VDR: variants seen among roughly 807,000 people sequenced by gnomAD.
VDR encodes the protein vitamin D receptor.
In VDR, 19 loss-of-function variants were observed where a neutral mutation model predicts 39.7. The ratio of observed to expected loss-of-function variants is 0.48; its 90% CI spans 0.33 to 0.70. The LOEUF is 0.70. VDR is among the 30% of genes least tolerant of loss of function. The pLI is 0.02. For synonymous variants in VDR, 242 were observed against 215.8 expected, an observed-to-expected ratio of 1.12 and a Z score of -1.07; for missense variants, 442 against 570.5, an observed-to-expected ratio of 0.77 and a Z score of 2.29.
chr12:47,864,959 C>A (rs1945697399), intron 4 of VDR, 88 bp downstream of exon 4: 3 of 1,588,804 alleles, frequency 1.9e-6, no homozygotes, highest in East Asian at 2.3e-5. Context: ...GGCAGGCAGA[C>A]CCTCTGCCCA....
chr12:47,878,898 T>TCC, intron 3 of VDR, 70 bp downstream of exon 3: 1 of 1,611,930 alleles, frequency 6.2e-7, no homozygotes, highest in African/African-American at 1.3e-5. Flanking sequence ...ATGCAAGGGC[T>TCC]CCCTTCATGG....
chr12:47,859,912 TCCTTC>T (rs1945583601), intron 4 of VDR, among the ~76,000 whole-genome samples: 10 of 42,654 alleles, frequency 2.3e-4, no homozygotes, highest in African/African-American at 8.0e-4. Flanking sequence ...CTTCCTTCCT[TCCTTC>T]TTTCTTTTTC....
chr12:47,902,735 C>T (rs1243284283), intron 1 of VDR, among the ~76,000 whole-genome samples: 1 of 152,190 alleles, frequency 6.6e-6, no homozygotes, highest in Non-Finnish European at 1.5e-5. Flanking sequence ...TTCCAGATGC[C>T]TATTCCAGCC....
intron 3 of VDR, among the ~76,000 whole-genome samples, chr12:47,868,236 G>T (rs1307779696): frequency 6.6e-6 from 1 of 152,238 alleles, no homozygotes; most frequent in Non-Finnish European, 1.5e-5. Flanking sequence ...TGCCAAGAAT[G>T]ACCCAACAGT....
intron 7 of VDR, among the ~76,000 whole-genome samples, chr12:47,849,241 G>A (rs1945339177): frequency 6.6e-6 from 1 of 152,150 alleles, no homozygotes; most frequent in African/African-American, 2.4e-5. Flanking sequence ...GTGATAGATG[G>A]TGGGAAATGA....
chr12:47,904,508 C>T lies in VDR; in HGVS notation c.-84+447G>A, dbSNP rs941725506. On this transcript the variant is annotated intron_variant, in intron 1 of 9. Coordinates refer to ENST00000549336, the MANE Select transcript of VDR (RefSeq NM_000376.3). ...AAAAATTACTTAAAAGACCCAACTC[C>T]ACCATCACAGGTGACCATACCTGGG... is the stretch of plus-strand genomic sequence containing the variant. 182 of 1,216,332 alleles carry T rather than the reference C, an allele frequency of 1.5e-4. 6 individuals carry two copies. In the South Asian group the frequency reaches 2.2e-3, roughly 15 times the overall value. 75.3% of individuals were successfully genotyped at this position (1,216,332 alleles called of 1,614,324 possible).
At chr12:47,846,959 A>G (rs1945292884) in intron 7 of VDR, 151 bp from the exon 8 acceptor site, 3 of 894,926 alleles carry the variant, frequency 3.4e-6, no homozygotes, top group South Asian at 2.7e-5. Context: ...GCTGGAAGGG[A>G]CAAGAGTGTT....
intron 1 of VDR, among the ~76,000 whole-genome samples, chr12:47,892,092 A>G (rs1170944131): frequency 6.6e-6 from 1 of 152,198 alleles, no homozygotes; most frequent in Non-Finnish European, 1.5e-5. Context: ...TGGCTGCCCC[A>G]GCTCTTGAAG....
rs755225409 is a variant in VDR at position 47,855,694 on chromosome 12, C to A, written c.691G>T (p.Ala231Ser). Residue 231 changes from alanine to serine, a missense_variant, in exon 7 of 10, where the codon GCT (alanine) becomes TCT (serine). Transcript: ENST00000549336. ...TGGATGCTGTAACTGACCAGGTCAGCCAGGTGGGGCAGCATGGAGAGCTGG... is the reference window on the plus strand; with the variant it reads ...TGGATGCTGTAACTGACCAGGTCAGACAGGTGGGGCAGCATGGAGAGCTGG... ...LSQLSMLPHL[A>S]DLVSYSIQKV... 4 of 1,614,006 alleles carry A rather than the reference C, an allele frequency of 2.5e-6. No individual in the cohort carries two copies. The highest frequency in any genetic ancestry group is 3.3e-5 in the Admixed American group (2 of 59,994).
chr12:47,895,151 G>T (rs1946441579), intron 1 of VDR, among the ~76,000 whole-genome samples: 1 of 152,134 alleles, frequency 6.6e-6, no homozygotes, highest in South Asian at 2.1e-4. Flanking sequence ...ATTTTTCCAG[G>T]CATTTAAGAA....
At chr12:47,904,870 G>A (rs920533734) in intron 1 of VDR, 85 bp downstream of exon 1, 2 of 339,106 alleles carry the variant, frequency 5.9e-6, no homozygotes, top group Non-Finnish European at 5.4e-6. Context: ...GCTCGCAGCC[G>A]GGCGCTCAGG....
chr12:47,862,892 G>A (rs917918569), intron 4 of VDR, among the ~76,000 whole-genome samples: 2 of 152,230 alleles, frequency 1.3e-5, no homozygotes, highest in Non-Finnish European at 2.9e-5. Context: ...GCATCAGGAC[G>A]TTTCTATTTT....
intron 3 of VDR, among the ~76,000 whole-genome samples, chr12:47,871,713 C>T (rs1352344695): frequency 6.6e-6 from 1 of 152,214 alleles, no homozygotes; most frequent in Non-Finnish European, 1.5e-5. Flanking sequence ...GATCCACCCA[C>T]CTTGGCCTCC....
intron 2 of VDR, among the ~76,000 whole-genome samples, chr12:47,881,262 C>T (rs764583454): frequency 3.3e-5 from 5 of 152,052 alleles, no homozygotes; most frequent in Non-Finnish European, 7.4e-5. Flanking sequence ...AACAAAATAG[C>T]ACATGTTCTC....
At chr12:47,857,091 C>G (rs1368706317) in intron 6 of VDR, 38 bp downstream of exon 6, 1 of 1,613,058 alleles carries the variant, frequency 6.2e-7, no homozygotes. Flanking sequence ...TCCTCGCCCC[C>G]GCTCCCTTAC....
intron 1 of VDR, among the ~76,000 whole-genome samples, chr12:47,903,073 T>C (rs536561078): frequency 8.1e-4 from 124 of 152,346 alleles, no homozygotes; most frequent in Non-Finnish European, 1.4e-3. Flanking sequence ...ATAATGTTTA[T>C]ACAAACAAAG....
In VDR at chr12:47,855,744, T is replaced by C. The variant is rs368836161; in HGVS notation, c.641A>G (p.Asp214Gly). The C allele has an allele frequency of 2.0e-5, 32 of 1,613,958 alleles. No homozygotes were observed. The highest frequency in any genetic ancestry group is 2.5e-5 in the Non-Finnish European group (30 of 1,180,010). ...GGACAGCTCTAGGGTCACAGAAGGGTCATCTGAATCTTCTTCACTCAGATC... is the reference window on the plus strand; with the variant it reads ...GGACAGCTCTAGGGTCACAGAAGGGCCATCTGAATCTTCTTCACTCAGATC... ...NLDLSEEDSD[D>G]PSVTLELSQL... is the part of the protein sequence containing the mutation. Residue 214 changes from aspartate to glycine, a missense_variant, in exon 7 of 10, where the codon GAC (aspartate) becomes GGC (glycine). Around this residue, in one of 5 missense-constraint regions of VDR, gnomAD observed 77 missense variants for 67.4 expected, o/e 1.14. Transcript: ENST00000549336.
intron 3 of VDR, among the ~76,000 whole-genome samples, chr12:47,868,709 T>C (rs1945785736): frequency 6.6e-6 from 1 of 152,008 alleles, no homozygotes. Flanking sequence ...ATGCCCGTAA[T>C]TCTCTAAACT....
At chr12:47,889,584 A>G (rs1946324537) in intron 1 of VDR, among the ~76,000 whole-genome samples, 1 of 152,236 alleles carries the variant, frequency 6.6e-6, no homozygotes, top group African/African-American at 2.4e-5. Flanking sequence ...AGCTTTCTCT[A>G]CTCCAGGTGG....
Sources: gnomAD v4.1 joint callset for allele counts (sites outside exome capture counted in the v4.1 genomes callset) on GRCh38, gnomAD v4.1.1 for gene constraint, gnomAD v4.1.1 regional missense constraint, MANE v1.5 for transcripts, NCBI Gene and HGNC (gene_info 2026-07-23, HGNC 2026-07-21) for gene names.